The following KIF1B variants were observed in gnomAD, a reference collection of about 807,000 sequenced individuals.
The protein encoded by KIF1B is kinesin family member 1B.
In KIF1B, 76 loss-of-function variants were observed where a neutral mutation model predicts 241.9. The ratio of observed to expected loss-of-function variants is 0.31; its 90% CI spans 0.26 to 0.38. The LOEUF (loss-of-function observed/expected upper bound fraction) is 0.38, where lower values mean the gene tolerates loss of function less well. Among genes scored for constraint, KIF1B ranks in the 10% least tolerant of loss-of-function variants. The probability of loss-of-function intolerance (pLI) is 1.00; values close to 1 mark genes in which losing one functional copy is unlikely to be tolerated. For missense variants in KIF1B, 1,622 were observed against 2,271.4 expected (o/e 0.71, Z 5.81); for synonymous variants, 750 against 796.7 (o/e 0.94, Z 0.99).
At chr1:10,277,409 G>C (rs1045299515) in intron 12 of KIF1B, among the ~76,000 whole-genome samples, 1 of 152,088 alleles carries the variant, frequency 6.6e-6, no homozygotes, top group African/African-American at 2.4e-5. Flanking sequence ...ATTGTAGCTC[G>C]CTGCAGCCTC....
intron 34 of KIF1B, among the ~76,000 whole-genome samples, chr1:10,345,164 A>C (rs575554764): frequency 1.3e-5 from 2 of 152,344 alleles, no homozygotes; most frequent in African/African-American, 4.8e-5. Context: ...ATAAAAAAGA[A>C]AAAAAAGCAT....
intron 2 of KIF1B, among the ~76,000 whole-genome samples, chr1:10,243,054 TC>T (rs757648533): frequency 6.6e-6 from 1 of 152,196 alleles, no homozygotes; most frequent in African/African-American, 2.4e-5. Context: ...ACCACATTGT[TC>T]CGGTCTGTTA....
intron 10 of KIF1B, among the ~76,000 whole-genome samples, chr1:10,273,325 G>T (rs1242374851): frequency 6.6e-6 from 1 of 152,158 alleles, no homozygotes; most frequent in South Asian, 2.1e-4. Context: ...AGGCCAAGGC[G>T]GGCGGATCAT....
At chr1:10,254,897 AAAAG>A (rs1647688268) in intron 2 of KIF1B, among the ~76,000 whole-genome samples, 1 of 151,316 alleles carries the variant, frequency 6.6e-6, no homozygotes, top group Non-Finnish European at 1.5e-5. Context: ...AAAAAAAAAA[AAAAG>A]CTGCTTTCAA....
chr1:10,312,465 C>G (rs1383903889), intron 22 of KIF1B, among the ~76,000 whole-genome samples: 2 of 151,492 alleles, frequency 1.3e-5, no homozygotes, highest in Non-Finnish European at 1.5e-5. Flanking sequence ...CAGCTCTAAA[C>G]CATCCAGCAG....
At chr1:10,330,990 G>A (rs968693381) in intron 27 of KIF1B, among the ~76,000 whole-genome samples, 6 of 152,040 alleles carry the variant, frequency 3.9e-5, no homozygotes, top group Non-Finnish European at 5.9e-5. Flanking sequence ...GCTGGGTGTG[G>A]TAGCTCACGC....
At position 10,370,302 on chromosome 1, in the gene KIF1B, CTGT is replaced by C. The variant is rs1325170773; in HGVS notation, c.4825-838_4825-836del. Among the ~76,000 whole-genome samples, 422 of 152,228 alleles carry C rather than the reference CTGT, an allele frequency of 2.8e-3. 2 individuals are homozygous for C. The highest frequency in any genetic ancestry group is 9.3e-3 in the African/African-American group (386 of 41,554). ...AGAGGCCAGTGACAGTGGCTCACAT[CTGT>C]AATCCTGCCAGCTTGGGAGGTCAAG... On this transcript the variant is annotated intron_variant, in intron 44 of 48. Transcript: ENST00000676179.
intron 7 of KIF1B, among the ~76,000 whole-genome samples, chr1:10,269,848 T>C (rs1648689900): frequency 6.6e-6 from 1 of 152,150 alleles, no homozygotes; most frequent in African/African-American, 2.4e-5. Flanking sequence ...CTTATATAGA[T>C]GATCAAATAA....
In KIF1B at chr1:10,247,122, C is replaced by A. The variant is rs141108679; in HGVS notation, c.107-9125C>A. Among the ~76,000 whole-genome samples, 307 of 152,326 alleles carry A rather than the reference C, an allele frequency of 2.0e-3. 2 individuals carry two copies. The highest frequency in any genetic ancestry group is 6.8e-3 in the African/African-American group (284 of 41,568). On this transcript the variant is annotated intron_variant, in intron 2 of 48. Coordinates refer to ENST00000676179, the MANE Select transcript of KIF1B (RefSeq NM_001365951.3). ...TCAAGCAATATGTCCACCTAGGCCT[C>A]CCAAAGTGCTAGGATTACAGGTGTG... is the stretch of plus-strand genomic sequence containing the variant.
intron 2 of KIF1B, among the ~76,000 whole-genome samples, chr1:10,244,079 GTATAGTACATT>G (rs1396758889): frequency 1.3e-5 from 2 of 152,032 alleles, no homozygotes; most frequent in African/African-American, 4.8e-5. Flanking sequence ...CAGTGAATAT[GTATAGTACATT>G]TATCCCTGTT....
At position 10,349,607 on chromosome 1, in the gene KIF1B, C is replaced by A. The variant is rs145350027; in HGVS notation, c.3949+874C>A. 5.9e-3 allele frequency among the ~76,000 whole-genome samples: 870 copies of A among 147,948 alleles called. 6 individuals carry two copies. Among genetic ancestry groups the A allele is most frequent in the Non-Finnish European group, 8.7e-3 (588 of 67,254 alleles). On this transcript the variant is annotated intron_variant, in intron 37 of 48. Coordinates refer to ENST00000676179, the MANE Select transcript of KIF1B (RefSeq NM_001365951.3). The stretch of plus-strand genomic sequence containing the variant: ...ACAAGCCAGGAGGACTGAATAGATT[C>A]AAGAAAAATTAGAGGGTTTTTTTTT...
chr1:10,255,867 A>G (rs1287192833), intron 2 of KIF1B, among the ~76,000 whole-genome samples: 2 of 152,032 alleles, frequency 1.3e-5, no homozygotes, highest in Non-Finnish European at 2.9e-5. Context: ...ACAGCTAACT[A>G]CATCCTCAAA....
At chr1:10,215,155 TA>T (rs1646747208) in intron 1 of KIF1B, among the ~76,000 whole-genome samples, 1 of 66,306 alleles carries the variant, frequency 1.5e-5, no homozygotes, top group South Asian at 4.4e-4. Context: ...TATATATATA[TA>T]TATATATATA....
rs758871885 is a variant in KIF1B, at chr1:10,275,414, T to C, written c.883-14T>C. 1.3e-5 allele frequency: 19 copies of C among 1,435,620 alleles called. No homozygotes were observed. The highest frequency in any genetic ancestry group is 2.9e-6 in the Non-Finnish European group (3 of 1,018,132). 88.9% of individuals were successfully genotyped at this position (1,435,620 alleles called of 1,614,324 possible). ...TAACGAAAAATGCTAAGACCATTTC[T>C]TTTCCTTTAATAGAGTAAAAAGAAG... On this transcript the variant is annotated splice_polypyrimidine_tract_variant and intron_variant, in intron 10 of 48. Coordinates refer to ENST00000676179, the MANE Select transcript of KIF1B (RefSeq NM_001365951.3).
chr1:10,258,223 A>T (rs1647912108), intron 3 of KIF1B, among the ~76,000 whole-genome samples: 1 of 152,204 alleles, frequency 6.6e-6, no homozygotes, highest in South Asian at 2.1e-4. Flanking sequence ...TAGAAAGTGA[A>T]ATGTAATCAT....
chr1:10,257,847 T>G (rs1468863381), intron 3 of KIF1B, among the ~76,000 whole-genome samples: 2 of 152,102 alleles, frequency 1.3e-5, no homozygotes, highest in African/African-American at 2.4e-5. Context: ...GGCTGATTTT[T>G]TTAATTTTTA....
Position 10,376,693 on chromosome 1 carries a change from C to A in KIF1B, c.*106C>A. The A allele has an allele frequency of 8.8e-7, 1 of 1,130,958 alleles. No homozygotes were observed. Among genetic ancestry groups the A allele is most frequent in the Non-Finnish European group, 1.3e-6 (1 of 744,500 alleles). 70.1% of individuals were successfully genotyped at this position (1,130,958 alleles called of 1,614,324 possible). On this transcript the variant is annotated 3_prime_UTR_variant, in exon 49 of 49. Coordinates refer to ENST00000676179, the MANE Select transcript of KIF1B (RefSeq NM_001365951.3). ...GTGACTCTTGTATGTAATCCTGTGG[C>A]TTAACTACTTCTCCCTCCTTGTCCA...
intron 33 of KIF1B, among the ~76,000 whole-genome samples, chr1:10,342,446 A>ATGAAAATTGT (rs200309451): frequency 0.019 from 2,899 of 152,336 alleles, 42 homozygotes; most frequent in Non-Finnish European, 0.028. Context: ...GGAATATAAC[A>ATGAAAATTGT]TGAAAATTGT....
At chr1:10,215,172 ATTTTTTTTTT>A (rs1166683802) in intron 1 of KIF1B, among the ~76,000 whole-genome samples, 1 of 45,352 alleles carries the variant, frequency 2.2e-5, no homozygotes, top group African/African-American at 1.0e-4. Context: ...ATATATATAT[ATTTTTTTTTT>A]TTTTTTTTTT....
Sources: gnomAD v4.1 joint callset for allele counts (sites outside exome capture counted in the v4.1 genomes callset) on GRCh38, gnomAD v4.1.1 for gene constraint, MANE v1.5 for transcripts, NCBI Gene and HGNC (gene_info 2026-07-23, HGNC 2026-07-21) for gene names.